SLC39A8: variants seen among roughly 807,000 people sequenced by gnomAD.
SLC39A8 encodes the protein metal cation symporter ZIP8.
SLC39A8 carries 15 observed loss-of-function variants against 40.4 expected under a neutral mutation model. The observed-to-expected ratio is 0.37, with a 90% CI of 0.25 to 0.57. The LOEUF (loss-of-function observed/expected upper bound fraction) is 0.57, where lower values mean the gene tolerates loss of function less well. Among genes scored for constraint, SLC39A8 ranks in the 20% least tolerant of loss-of-function variants. The pLI is 0.75. For missense variants in SLC39A8, 472 were observed against 558.8 expected (o/e 0.84, Z 1.57); for synonymous variants, 223 against 221.6 (o/e 1.01, Z -0.06).
At position 102,344,790 on chromosome 4, in the gene SLC39A8, C is replaced by A. The variant is rs1347691617; in HGVS notation, c.-128G>T. 6 of 1,319,072 alleles carry A rather than the reference C, an allele frequency of 4.5e-6. No individual in the cohort carries two copies. The African/African-American group carries it at 7.7e-5, about 17-fold the overall frequency. 81.7% of individuals were successfully genotyped at this position (1,319,072 alleles called of 1,614,324 possible). ...CGGCGCTGCTCCGAGTCAGAGGTGG[C>A]GCGGGACGCCCCTGGTTCTCCGACG... is the stretch of plus-strand genomic sequence containing the variant. On this transcript the variant is annotated 5_prime_UTR_variant, in exon 2 of 9. Coordinates refer to ENST00000356736, the MANE Select transcript of SLC39A8 (RefSeq NM_001135146.2).
At chr4:102,314,989 T>C (rs1379899664) in intron 3 of SLC39A8, among the ~76,000 whole-genome samples, 1 of 152,170 alleles carries the variant, frequency 6.6e-6, no homozygotes, top group Non-Finnish European at 1.5e-5. Context: ...AACTTTAAAA[T>C]TCCAACATAA....
intron 11 of SLC39A8, among the ~76,000 whole-genome samples, chr4:102,254,754 A>G (rs934174744): frequency 1.1e-4 from 17 of 152,204 alleles, no homozygotes; most frequent in Admixed American, 1.0e-3. Flanking sequence ...GTCAAGGTAT[A>G]TAAGTTATTC....
chr4:102,322,728 T>G (rs778243339), intron 2 of SLC39A8, among the ~76,000 whole-genome samples: 2 of 152,120 alleles, frequency 1.3e-5, no homozygotes, highest in Non-Finnish European at 2.9e-5. Flanking sequence ...TTGCAATAGA[T>G]TGAGATTCTG....
At position 102,304,303 on chromosome 4, in the gene SLC39A8, G is replaced by T; in HGVS notation, c.840+14C>A. ...AATGCAGTATAATGAAGGAAAAATG[G>T]AATTAACATATACCTGTAGAGATAC... On this transcript the variant is annotated intron_variant, in intron 6 of 8. Transcript: ENST00000356736. 1.3e-6 allele frequency: 2 copies of T among 1,598,102 alleles called. No individual in the cohort carries two copies. Among genetic ancestry groups the T allele is most frequent in the South Asian group, 2.2e-5 (2 of 90,058 alleles).
chr4:102,283,933 A>G (rs1733029196), intron 6 of SLC39A8, among the ~76,000 whole-genome samples: 1 of 152,154 alleles, frequency 6.6e-6, no homozygotes, highest in Non-Finnish European at 1.5e-5. Flanking sequence ...TTCCTCAGCC[A>G]TAATATTATT....
At chr4:102,283,338 G>A (rs1178098748) in intron 6 of SLC39A8, among the ~76,000 whole-genome samples, 1 of 152,188 alleles carries the variant, frequency 6.6e-6, no homozygotes, top group East Asian at 1.9e-4. Flanking sequence ...GCAATAAGAG[G>A]TCAAGATACT....
intron 6 of SLC39A8, among the ~76,000 whole-genome samples, chr4:102,296,866 T>C (rs1733699507): frequency 6.6e-6 from 1 of 152,172 alleles, no homozygotes; most frequent in African/African-American, 2.4e-5. Flanking sequence ...CCTGCCTTTA[T>C]ATTTCTAGCA....
intron 2 of SLC39A8, among the ~76,000 whole-genome samples, chr4:102,338,494 A>G (rs1351871939): frequency 1.3e-5 from 2 of 151,972 alleles, no homozygotes; most frequent in Non-Finnish European, 2.9e-5. Context: ...CCTCCATCTT[A>G]TTTCTTAATT....
At chr4:102,282,487 G>C (rs953109727) in intron 6 of SLC39A8, among the ~76,000 whole-genome samples, 1 of 152,124 alleles carries the variant, frequency 6.6e-6, no homozygotes, top group Non-Finnish European at 1.5e-5. Context: ...TTGTTTGTTT[G>C]CCAATTCTTA....
At chr4:102,313,919 C>A (rs1734549720) in intron 3 of SLC39A8, among the ~76,000 whole-genome samples, 2 of 151,982 alleles carry the variant, frequency 1.3e-5, no homozygotes, top group Non-Finnish European at 2.9e-5. Flanking sequence ...TCTAGACTGG[C>A]AAATCCCCAG....
intron 6 of SLC39A8, among the ~76,000 whole-genome samples, chr4:102,281,591 G>A (rs548440319): frequency 5.6e-4 from 86 of 152,258 alleles, no homozygotes; most frequent in Non-Finnish European, 9.6e-4. Flanking sequence ...AGAGCCAGTG[G>A]TAACTGCAAC....
In SLC39A8 at chr4:102,277,066, T is replaced by C. The variant is rs538185138; in HGVS notation, c.841-8987A>G. On this transcript the variant is annotated intron_variant, in intron 6 of 8. Transcript: ENST00000356736. The stretch of plus-strand genomic sequence containing the variant: ...GGGCAAAAGCTGGAAGCAGTCCCTT[T>C]GAAAACCAGCACAAGACAAGGATGC... Among the ~76,000 whole-genome samples, 15 of 152,286 alleles carry C rather than the reference T, an allele frequency of 9.8e-5. 1 individual carries two copies. The South Asian group carries it at 3.1e-3, about 32-fold the overall frequency.
chr4:102,313,469 G>A (rs72692248), intron 3 of SLC39A8, among the ~76,000 whole-genome samples: 19,735 of 152,114 alleles, frequency 0.13, 1,374 homozygotes, highest in South Asian at 0.23. Context: ...AAGTGTACAT[G>A]CACAAAGGAA....
At chr4:102,281,430 G>A (rs903617238) in intron 6 of SLC39A8, among the ~76,000 whole-genome samples, 8 of 152,066 alleles carry the variant, frequency 5.3e-5, no homozygotes, top group African/African-American at 1.9e-4. Flanking sequence ...ATCAAGAACT[G>A]AAATATTCAA....
At chr4:102,267,358 G>C (rs1358332236) in intron 8 of SLC39A8, 132 bp downstream of exon 8, 2 of 717,282 alleles carry the variant, frequency 2.8e-6, no homozygotes, top group Non-Finnish European at 4.4e-6. Flanking sequence ...GTTGAAATGG[G>C]ATTGTTCTGA....
intron 11 of SLC39A8, among the ~76,000 whole-genome samples, chr4:102,254,766 C>T (rs1377292761): frequency 6.6e-6 from 1 of 152,112 alleles, no homozygotes; most frequent in African/African-American, 2.4e-5. Flanking sequence ...AAGTTATTCC[C>T]TCAGTTATCC....
chr4:102,290,457 T>C (rs1383536280), intron 6 of SLC39A8, among the ~76,000 whole-genome samples: 1 of 152,064 alleles, frequency 6.6e-6, no homozygotes, highest in Non-Finnish European at 1.5e-5. Context: ...GTAAAGAACA[T>C]AATGATGTTT....
chr4:102,296,533 G>T (rs1733684165), intron 6 of SLC39A8, among the ~76,000 whole-genome samples: 1 of 152,074 alleles, frequency 6.6e-6, no homozygotes, highest in African/African-American at 2.4e-5. Flanking sequence ...TGACCCATAA[G>T]AAATTATTTC....
chr4:102,344,548 C>G lies in SLC39A8; in HGVS notation c.115G>C (p.Ala39Pro). 1.3e-6 allele frequency: 2 copies of G among 1,556,008 alleles called. No individual in the cohort carries two copies. Among genetic ancestry groups the G allele is most frequent in the Non-Finnish European group, 1.7e-6 (2 of 1,149,918 alleles). Residue 39 changes from alanine (A) to proline (P), a missense_variant, in exon 2 of 9, where the codon GCG becomes CCG. Transcript: ENST00000356736. ...FSEDVLSVFG[A>P]NLSLSAAQLQ... is the part of the protein sequence containing the mutation. ...TGCGCCGCCGACAGGCTCAGATTCG[C>G]GCCGAACACGCTCAGCACATCCTCG...
Sources: gnomAD v4.1 joint callset for allele counts (sites outside exome capture counted in the v4.1 genomes callset) on GRCh38, gnomAD v4.1.1 for gene constraint, MANE v1.5 for transcripts, NCBI Gene and HGNC (gene_info 2026-07-23, HGNC 2026-07-21) for gene names.